TCF20: variants seen among roughly 807,000 people sequenced by gnomAD.
TCF20 encodes the protein transcription factor 20.
In TCF20, 3 loss-of-function variants were observed where a neutral mutation model predicts 148.6. The ratio of observed to expected loss-of-function variants is 0.02; its 90% confidence interval spans 0.01 to 0.05. The LOEUF (loss-of-function observed/expected upper bound fraction) is 0.05, where lower values mean the gene tolerates loss of function less well. TCF20 is among the 10% of genes least tolerant of loss of function. The pLI is 1.00. For missense variants in TCF20, 2,350 were observed against 2,429.3 expected (o/e 0.97, Z 0.69); for synonymous variants, 1,049 against 909.5 (o/e 1.15, Z -2.76).
At chr22:42,296,961 C>T (rs1423671715) in intron 1 of TCF20, among the ~76,000 whole-genome samples, 11 of 152,358 alleles carry the variant, frequency 7.2e-5, no homozygotes, top group East Asian at 1.9e-4. Context: ...CCATGCACTC[C>T]GGCACTGACA....
chr22:42,301,749 T>C (rs893444551), intron 1 of TCF20, among the ~76,000 whole-genome samples: 5 of 152,150 alleles, frequency 3.3e-5, no homozygotes, highest in Admixed American at 1.3e-4. Context: ...CTGAAGTCTG[T>C]CGTGGGGAAC....
intron 3 of TCF20, among the ~76,000 whole-genome samples, chr22:42,174,083 C>T (rs900038039): frequency 6.6e-6 from 1 of 152,162 alleles, no homozygotes; most frequent in South Asian, 2.1e-4. Context: ...CAAGCTTCCA[C>T]TAGAGGAGAG....
chr22:42,322,829 G>C (rs751813185), intron 1 of TCF20, among the ~76,000 whole-genome samples: 2 of 136,204 alleles, frequency 1.5e-5, no homozygotes, highest in Non-Finnish European at 3.1e-5. Flanking sequence ...CCTCCTGGCA[G>C]TGGGGAGGCT....
chr22:42,183,017 G>A (rs905285466), intron 2 of TCF20, among the ~76,000 whole-genome samples: 3 of 152,182 alleles, frequency 2.0e-5, no homozygotes, highest in South Asian at 2.1e-4. Context: ...GATTACAGGC[G>A]TGAGCCACTG....
chr22:42,324,206 T>G (rs1378291955), intron 1 of TCF20, among the ~76,000 whole-genome samples: 2 of 147,864 alleles, frequency 1.4e-5, no homozygotes, highest in East Asian at 2.0e-4. Context: ...GTGGAGGTTA[T>G]GGTGGAGGTG....
At chr22:42,184,653 C>T (rs757720993) in intron 2 of TCF20, among the ~76,000 whole-genome samples, 3 of 152,144 alleles carry the variant, frequency 2.0e-5, no homozygotes, top group Admixed American at 6.5e-5. Flanking sequence ...TACAATACTG[C>T]TCCCCAGGAA....
intron 1 of TCF20, among the ~76,000 whole-genome samples, chr22:42,217,203 C>CT (rs1921898306): frequency 6.6e-6 from 1 of 152,168 alleles, no homozygotes; most frequent in South Asian, 2.1e-4. Flanking sequence ...CTCTGAGCTC[C>CT]TCCCCTATCA....
intron 1 of TCF20, among the ~76,000 whole-genome samples, chr22:42,332,542 T>C (rs1569211788): frequency 6.6e-6 from 1 of 152,152 alleles, no homozygotes; most frequent in Non-Finnish European, 1.5e-5. Flanking sequence ...GCTCTGTTGT[T>C]GCCTAGGCTG....
At chr22:42,253,412 G>A (rs1366115670) in intron 1 of TCF20, among the ~76,000 whole-genome samples, 1 of 152,118 alleles carries the variant, frequency 6.6e-6, no homozygotes, top group Non-Finnish European at 1.5e-5. Flanking sequence ...AAATAAAGTA[G>A]AGATAATGCT....
Position 42,256,945 on chromosome 22 carries a change from G to A in TCF20, c.-37+13394C>T, listed in dbSNP as rs1253560775. Among the ~76,000 whole-genome samples, 3 of 152,164 alleles carry A rather than the reference G, an allele frequency of 2.0e-5. No individual in the cohort carries two copies. The East Asian group carries it at 5.8e-4, about 29-fold the overall frequency. ...AGGCCTAGGCAAGAAGATTGCTTGA[G>A]GCCAGGAGTTCAAAATCAGCCTGGT... On this transcript the variant is annotated intron_variant, in intron 1 of 5. Coordinates refer to ENST00000677622, the MANE Select transcript of TCF20 (RefSeq NM_001378418.1).
chr22:42,191,837 A>C (rs1381120752), intron 2 of TCF20, among the ~76,000 whole-genome samples: 1 of 152,216 alleles, frequency 6.6e-6, no homozygotes, highest in Non-Finnish European at 1.5e-5. Context: ...AAAAGCAGAG[A>C]ACCTGAGAAA....
chr22:42,199,019 G>T (rs1374204232), intron 2 of TCF20, among the ~76,000 whole-genome samples: 1 of 152,082 alleles, frequency 6.6e-6, no homozygotes, highest in Non-Finnish European at 1.5e-5. Flanking sequence ...CAGAACCCAT[G>T]AATATGGGAA....
intron 2 of TCF20, among the ~76,000 whole-genome samples, chr22:42,200,104 T>G (rs903639704): frequency 5.3e-5 from 8 of 152,232 alleles, no homozygotes; most frequent in Non-Finnish European, 8.8e-5. Flanking sequence ...AAATGCTGTA[T>G]TAGAATCTAG....
At chr22:42,320,586 G>A (rs1462583509) in intron 1 of TCF20, among the ~76,000 whole-genome samples, 1 of 152,194 alleles carries the variant, frequency 6.6e-6, no homozygotes, top group East Asian at 1.9e-4. Context: ...TCATCTCCAG[G>A]AGAATAGAAC....
chr22:42,178,020 G>T (rs907419799), intron 3 of TCF20, among the ~76,000 whole-genome samples: 6 of 152,102 alleles, frequency 3.9e-5, no homozygotes, highest in Non-Finnish European at 7.4e-5. Flanking sequence ...AGGGGGTGAA[G>T]ATTGAGTTAA....
chr22:42,316,832 C>G (rs1244561913), intron 1 of TCF20, among the ~76,000 whole-genome samples: 1 of 152,212 alleles, frequency 6.6e-6, no homozygotes, highest in African/African-American at 2.4e-5. Context: ...CACAGTCAAA[C>G]TCTTTGGCCT....
intron 2 of TCF20, among the ~76,000 whole-genome samples, chr22:42,184,693 G>T (rs556041518): frequency 6.6e-6 from 1 of 152,102 alleles, no homozygotes; most frequent in South Asian, 2.1e-4. Context: ...CTCCAAGCAT[G>T]ATTTCTAAAT....
upstream of TCF20, among the ~76,000 whole-genome samples, chr22:42,284,867 C>T (rs1183070964): frequency 6.6e-6 from 1 of 152,240 alleles, no homozygotes; most frequent in Non-Finnish European, 1.5e-5. Context: ...AGCACCAACG[C>T]CCCGTGTCAA....
chr22:42,169,999 G>T, intron 3 of TCF20, 103 bp from the exon 4 acceptor site: 1 of 1,129,594 alleles, frequency 8.9e-7, no homozygotes, highest in Non-Finnish European at 1.3e-6. Context: ...GTAGCAGGTC[G>T]CTACACTTAC....
Sources: allele counts gnomAD v4.1 joint callset (sites outside exome capture counted in the v4.1 genomes callset), GRCh38; gene constraint gnomAD v4.1.1; transcripts MANE v1.5; gene names NCBI Gene and HGNC (gene_info 2026-07-23, HGNC 2026-07-21).